RIT2: variants seen among roughly 807,000 people sequenced by gnomAD.
RIT2 encodes the protein Ras like without CAAX 2.
A neutral mutation model predicts 23.7 loss-of-function variants in RIT2; 24 were observed. That is an observed-to-expected ratio of 1.01 (90% CI 0.73 to 1.43). The LOEUF (loss-of-function observed/expected upper bound fraction) is 1.43, where lower values mean the gene tolerates loss of function less well. RIT2 is among the 40% of genes most tolerant of loss of function. The pLI is 0.00. For synonymous variants in RIT2, 107 were observed against 91.1 expected, an observed-to-expected ratio of 1.17 and a Z score of -0.99; for missense variants, 236 against 266.9, an observed-to-expected ratio of 0.88 and a Z score of 0.81.
intron 4 of RIT2, among the ~76,000 whole-genome samples, chr18:42,896,315 T>C (rs1908329328): frequency 6.6e-6 from 1 of 152,242 alleles, no homozygotes; most frequent in East Asian, 1.9e-4. Flanking sequence ...TGAGAAGGCA[T>C]GGATTCAACG....
intron 2 of RIT2, among the ~76,000 whole-genome samples, chr18:42,975,191 T>A (rs1210340892): frequency 6.6e-6 from 1 of 152,056 alleles, no homozygotes; most frequent in Non-Finnish European, 1.5e-5. Flanking sequence ...TGTTTTTTAT[T>A]TGTATTTCTC....
chr18:43,107,942 T>C (rs1913864444), intron 1 of RIT2, among the ~76,000 whole-genome samples: 1 of 150,416 alleles, frequency 6.6e-6, no homozygotes, highest in African/African-American at 2.5e-5. Flanking sequence ...GGCGGGTGGA[T>C]GACGAGGTCA....
chr18:42,780,055 T>TTTTG (rs1223335803), intron 4 of RIT2, among the ~76,000 whole-genome samples: 4 of 130,924 alleles, frequency 3.1e-5, no homozygotes, highest in Non-Finnish European at 6.5e-5. Flanking sequence ...AGGTTTTTTT[T>TTTTG]TTTTTTTTTT....
At chr18:42,814,536 C>A (rs1270106983) in intron 4 of RIT2, among the ~76,000 whole-genome samples, 2 of 152,100 alleles carry the variant, frequency 1.3e-5, no homozygotes, top group African/African-American at 4.8e-5. Flanking sequence ...GGAACCTCAC[C>A]CCCATCCCCC....
At chr18:42,802,761 A>G (rs1031926862) in intron 4 of RIT2, among the ~76,000 whole-genome samples, 1 of 152,164 alleles carries the variant, frequency 6.6e-6, no homozygotes, top group African/African-American at 2.4e-5. Context: ...GATTACATGA[A>G]TGTTTTCATA....
chr18:43,065,051 C>T (rs2144327725), intron 1 of RIT2, among the ~76,000 whole-genome samples: 1 of 151,978 alleles, frequency 6.6e-6, no homozygotes, highest in East Asian at 1.9e-4. Flanking sequence ...AACTCCTGGC[C>T]TCATGATCTG....
intron 4 of RIT2, among the ~76,000 whole-genome samples, chr18:42,779,259 A>C (rs988247653): frequency 2.0e-5 from 3 of 152,074 alleles, no homozygotes; most frequent in Admixed American, 1.3e-4. Context: ...TCTTCAACGC[A>C]GGAATATTTT....
At chr18:42,862,707 G>A (rs372685073) in intron 4 of RIT2, among the ~76,000 whole-genome samples, 15 of 152,214 alleles carry the variant, frequency 9.9e-5, no homozygotes, top group East Asian at 3.9e-4. Context: ...TGTGTGCTAC[G>A]CATCATGCAT....
At chr18:42,774,190 A>C (rs1251708961) in intron 4 of RIT2, among the ~76,000 whole-genome samples, 1 of 152,162 alleles carries the variant, frequency 6.6e-6, no homozygotes, top group East Asian at 1.9e-4. Context: ...TTGATGTCTC[A>C]CTGCAAGACT....
chr18:42,893,606 T>C (rs1211081826), intron 4 of RIT2, among the ~76,000 whole-genome samples: 2 of 152,200 alleles, frequency 1.3e-5, no homozygotes, highest in African/African-American at 4.8e-5. Flanking sequence ...ATTCAAACCA[T>C]AGCACTTTCT....
rs115856091 is a variant in RIT2 at position 43,072,079 on chromosome 18, G to A, written c.104-38212C>T. Among the ~76,000 whole-genome samples the A allele has an allele frequency of 3.3e-3, 501 of 152,042 alleles. 3 individuals carry two copies. Among genetic ancestry groups the A allele is most frequent in the African/African-American group, 0.012 (484 of 41,454 alleles). On this transcript the variant is annotated intron_variant, in intron 1 of 4. Transcript: ENST00000326695. The stretch of plus-strand genomic sequence containing the variant: ...CAGCTCATTGCAATATCCACCTCCC[G>A]GGTGCAAGGGAATCTCCTGCCTCAG...
chr18:42,760,303 G>T (rs2143898632), intron 4 of RIT2, among the ~76,000 whole-genome samples: 1 of 152,294 alleles, frequency 6.6e-6, no homozygotes, highest in South Asian at 2.1e-4. Context: ...AAGATGACCT[G>T]CCTCAATGGC....
At chr18:42,990,726 GT>G (rs1910822315) in intron 2 of RIT2, among the ~76,000 whole-genome samples, 1 of 152,062 alleles carries the variant, frequency 6.6e-6, no homozygotes, top group African/African-American at 2.4e-5. Context: ...ACTCTGCTCA[GT>G]TTTTTCAGTT....
chr18:42,986,425 G>A (rs561353891), intron 2 of RIT2, among the ~76,000 whole-genome samples: 1 of 152,200 alleles, frequency 6.6e-6, no homozygotes, highest in African/African-American at 2.4e-5. Flanking sequence ...TTTCTTTTTG[G>A]TTGTTGGGGT....
intron 1 of RIT2, among the ~76,000 whole-genome samples, chr18:43,038,219 G>A (rs1251031741): frequency 1.2e-4 from 12 of 99,624 alleles, no homozygotes; most frequent in Non-Finnish European, 1.6e-4. Context: ...AAAAAAAAAA[G>A]CAGTTTCAGA....
Position 43,068,367 on chromosome 18 carries a change from T to C in RIT2, c.104-34500A>G, listed in dbSNP as rs188937844. ...CTTCAGGGGATTTACTCATAATAACTGGGCTAACCATCTGAAACATATGGA... is the reference window on the plus strand; with the variant it reads ...CTTCAGGGGATTTACTCATAATAACCGGGCTAACCATCTGAAACATATGGA... On this transcript the variant is annotated intron_variant, in intron 1 of 4. Transcript: ENST00000326695. 1.5e-3 allele frequency among the ~76,000 whole-genome samples: 224 copies of C among 152,288 alleles called. 1 individual carries two copies. Among genetic ancestry groups the C allele is most frequent in the African/African-American group, 5.1e-3 (210 of 41,568 alleles).
chr18:42,821,242 A>G (rs1175116847), intron 4 of RIT2, among the ~76,000 whole-genome samples: 2 of 152,126 alleles, frequency 1.3e-5, no homozygotes, highest in Non-Finnish European at 2.9e-5. Flanking sequence ...GGGATTTAGA[A>G]CCAGACCCTG....
intron 4 of RIT2, among the ~76,000 whole-genome samples, chr18:42,813,944 T>C (rs58606559): frequency 0.035 from 5,332 of 152,210 alleles, 306 homozygotes; most frequent in African/African-American, 0.12. Context: ...CCAGAACACA[T>C]ATCCCCACTG....
At chr18:42,904,141 A>G (rs185790881) in intron 4 of RIT2, among the ~76,000 whole-genome samples, 1 of 152,288 alleles carries the variant, frequency 6.6e-6, no homozygotes, top group Non-Finnish European at 1.5e-5. Context: ...ATTAATATCT[A>G]ATATTTGATC....
Sources: allele counts gnomAD v4.1 joint callset (sites outside exome capture counted in the v4.1 genomes callset), GRCh38; gene constraint gnomAD v4.1.1; transcripts MANE v1.5; gene names NCBI Gene and HGNC (gene_info 2026-07-23, HGNC 2026-07-21).